The following AIM2 variants were observed in gnomAD, a reference collection of about 807,000 sequenced individuals.
The protein encoded by AIM2 is interferon-inducible protein AIM2.
AIM2 carries 30 observed loss-of-function variants against 27.7 expected under a neutral mutation model. The ratio of observed to expected loss-of-function variants is 1.08; its 90% CI spans 0.81 to 1.47. The LOEUF is 1.47. Ranked by LOEUF, AIM2 falls within the 40% of genes most tolerant of loss-of-function variation. The pLI is 0.00. For missense variants in AIM2, 358 were observed against 411.3 expected (o/e 0.87, Z 1.12); for synonymous variants, 141 against 145.3 (o/e 0.97, Z 0.21).
chr1:159,103,065 C>A (rs567241367), intron 1 of AIM2, among the ~76,000 whole-genome samples: 1 of 152,258 alleles, frequency 6.6e-6, no homozygotes, highest in East Asian at 1.9e-4. Context: ...TCCCACATGT[C>A]GTGGGAGGCA....
chr1:159,135,316 T>C (rs549431992), intron 1 of AIM2, among the ~76,000 whole-genome samples: 31 of 152,358 alleles, frequency 2.0e-4, no homozygotes, highest in African/African-American at 7.0e-4. Context: ...TTAATATAGT[T>C]CTGTGCTTTT....
chr1:159,066,797 A>C (rs190449998), intron 3 of AIM2, among the ~76,000 whole-genome samples: 1 of 152,220 alleles, frequency 6.6e-6, no homozygotes, highest in Non-Finnish European at 1.5e-5. Context: ...GGGCTCCCCA[A>C]ATTCCTAGGG....
chr1:159,081,390 A>T (rs1253479522), upstream of AIM2: 1 of 327,706 alleles, frequency 3.1e-6, no homozygotes, highest in Non-Finnish European at 6.1e-6. Flanking sequence ...AACTTTCTAA[A>T]TTTTCAAAAG....
chr1:159,095,939 A>C (rs1657172776), intron 1 of AIM2, among the ~76,000 whole-genome samples: 1 of 152,194 alleles, frequency 6.6e-6, no homozygotes, highest in South Asian at 2.1e-4. Context: ...AAGAGTATGG[A>C]ATTAGACTAG....
At chr1:159,134,905 G>A (rs1570984336) in intron 1 of AIM2, among the ~76,000 whole-genome samples, 2 of 152,240 alleles carry the variant, frequency 1.3e-5, no homozygotes, top group Middle Eastern at 6.8e-3. Flanking sequence ...CATTTATGCT[G>A]TCTCTTTATA....
chr1:159,085,525 T>G (rs1656887928), intron 1 of AIM2, among the ~76,000 whole-genome samples: 1 of 152,120 alleles, frequency 6.6e-6, no homozygotes, highest in Non-Finnish European at 1.5e-5. Flanking sequence ...GCGTTTGAGG[T>G]GCCCAAGAGA....
intron 1 of AIM2, among the ~76,000 whole-genome samples, chr1:159,090,854 G>A (rs1657027301): frequency 6.6e-6 from 1 of 152,164 alleles, no homozygotes; most frequent in Non-Finnish European, 1.5e-5. Context: ...TTACATTGAT[G>A]CTAAAGACTT....
chr1:159,067,990 T>A (rs1277822695), intron 3 of AIM2, among the ~76,000 whole-genome samples: 1 of 151,998 alleles, frequency 6.6e-6, no homozygotes, highest in Admixed American at 6.6e-5. Flanking sequence ...TTTTTTACAT[T>A]ACTTTTAAAA....
chr1:159,125,733 G>A (rs1018684531), intron 1 of AIM2, among the ~76,000 whole-genome samples: 10 of 152,166 alleles, frequency 6.6e-5, no homozygotes, highest in Non-Finnish European at 1.2e-4. Context: ...TTTTTCTAAT[G>A]TGAATGGTTC....
chr1:159,130,832 A>G (rs1557915262), intron 1 of AIM2, among the ~76,000 whole-genome samples: 1 of 150,928 alleles, frequency 6.6e-6, no homozygotes, highest in Non-Finnish European at 1.5e-5. Flanking sequence ...ACACACACAC[A>G]CACACACACA....
chr1:159,057,832 G>A (rs866344180), downstream of AIM2, among the ~76,000 whole-genome samples: 1 of 152,200 alleles, frequency 6.6e-6, no homozygotes, highest in African/African-American at 2.4e-5. Context: ...AAAATAGATT[G>A]TAGTCTTACA....
intron 1 of AIM2, among the ~76,000 whole-genome samples, chr1:159,116,160 A>G (rs1302115693): frequency 5.3e-5 from 8 of 151,052 alleles, no homozygotes; most frequent in African/African-American, 1.9e-4. Flanking sequence ...TTAGAATGGC[A>G]ATCACTAAAA....
chr1:159,101,911 A>G (rs899157492), intron 1 of AIM2, among the ~76,000 whole-genome samples: 1 of 152,138 alleles, frequency 6.6e-6, no homozygotes, highest in Non-Finnish European at 1.5e-5. Flanking sequence ...AGAAAAACCC[A>G]TTTTCTGGGG....
Position 159,112,840 on chromosome 1 carries a change from G to A in AIM2, c.-16+27591C>T, listed in dbSNP as rs183216770. On this transcript the variant is annotated intron_variant, in intron 1 of 2. Transcript: ENST00000368129. ...TTCTTGAATATGGAGTTTATGGAAT[G>A]AGAGTTTTTCTACTAGACTTTTTTT... Among the ~76,000 whole-genome samples the A allele has an allele frequency of 4.6e-5, 7 of 151,952 alleles. No homozygotes were observed. In the East Asian group the frequency reaches 1.2e-3, roughly 25 times the overall value.
chr1:159,056,877 G>A, the AIM2 span, among the ~76,000 whole-genome samples: 8 of 151,968 alleles, frequency 5.3e-5, no homozygotes, highest in Admixed American at 2.0e-4. Flanking sequence ...CCCGTAGTAC[G>A]GAGACACAAT....
rs1648020765 is a variant in AIM2 at position 159,136,921 on chromosome 1, A to G, written c.-16+3510T>C. Reference sequence around the variant, plus strand: ...CAAAACCCTCCACCTCTGGTGGTACAGCACTACGGCTTGGGAATCACCGTG... The same window carrying G: ...CAAAACCCTCCACCTCTGGTGGTACGGCACTACGGCTTGGGAATCACCGTG... On this transcript the variant is annotated intron_variant, in intron 1 of 2. Coordinates refer to the AIM2 transcript ENST00000368129. 1.3e-5 allele frequency among the ~76,000 whole-genome samples: 2 copies of G among 152,258 alleles called. 1 individual carries two copies. The highest frequency in any genetic ancestry group is 1.3e-4 in the Admixed American group (2 of 15,292).
At chr1:159,059,399 C>A (rs1249271116), downstream of AIM2, among the ~76,000 whole-genome samples, 1 of 152,122 alleles carries the variant, frequency 6.6e-6, no homozygotes, top group African/African-American at 2.4e-5. Context: ...GTTTTCTCAT[C>A]TTTGAGAATA....
chr1:159,073,269 C>T lies in AIM2; in HGVS notation c.231G>A (p.Leu77=). The T allele has an allele frequency of 1.9e-6, 3 of 1,614,152 alleles. No individual in the cohort carries two copies. Among genetic ancestry groups the T allele is most frequent in the Non-Finnish European group, 2.5e-6 (3 of 1,180,012 alleles). ...CCTTCTCCTCCTGAAGACGTTTTGC[C>T]AAAAGCATATAATTCAACTTCTGAA... ...RIFQKLNYML[L]AKRLQEEKEK... is the part of the protein sequence containing the mutation. Residue 77 remains leucine (L), a synonymous_variant, in exon 2 of 6, where the codon TTG becomes TTA. Transcript: ENST00000368130.
chr1:159,105,646 C>T (rs372917437), intron 1 of AIM2, among the ~76,000 whole-genome samples: 1 of 152,116 alleles, frequency 6.6e-6, no homozygotes, highest in African/African-American at 2.4e-5. Flanking sequence ...AGAGAGGAGA[C>T]CCAGAGTGAG....
Sources: gnomAD v4.1 joint callset for allele counts (sites outside exome capture counted in the v4.1 genomes callset) on GRCh38, gnomAD v4.1.1 for gene constraint, MANE v1.5 for transcripts, NCBI Gene and HGNC (gene_info 2026-07-23, HGNC 2026-07-21) for gene names.